Variants in BBOX1 observed in about 807,000 individuals in gnomAD.
The protein encoded by BBOX1 is gamma-butyrobetaine hydroxylase 1, also known as gamma-butyrobetaine dioxygenase.
BBOX1 carries 35 observed loss-of-function variants against 41.6 expected under a neutral mutation model. That is an observed-to-expected ratio of 0.84 (90% CI 0.64 to 1.11). BBOX1 has a LOEUF of 1.11. Ranked by LOEUF, BBOX1 falls within the 50% of genes most tolerant of loss-of-function variation. The pLI is 0.00. For missense variants in BBOX1, 458 were observed against 460.6 expected (o/e 0.99, Z 0.05); for synonymous variants, 163 against 154.7 (o/e 1.05, Z -0.40).
chr11:27,125,537 T>A, intron 7 of BBOX1, 117 bp from the exon 8 acceptor site: 1 of 849,280 alleles, frequency 1.2e-6, no homozygotes. Flanking sequence ...CTTCTGTACA[T>A]GTATTTGGAT....
At chr11:27,111,436 CT>C in intron 5 of BBOX1, among the ~76,000 whole-genome samples, 1 of 152,086 alleles carries the variant, frequency 6.6e-6, no homozygotes, top group African/African-American at 2.4e-5. Flanking sequence ...TACCCCAAAC[CT>C]CAGGATCATG....
intron 5 of BBOX1, among the ~76,000 whole-genome samples, chr11:27,106,367 T>A (rs1858863730): frequency 6.6e-6 from 1 of 151,598 alleles, no homozygotes; most frequent in Non-Finnish European, 1.5e-5. Flanking sequence ...GAGACACAAA[T>A]AGGCTCAAAA....
intron 4 of BBOX1, among the ~76,000 whole-genome samples, chr11:27,086,721 T>C (rs1369832492): frequency 2.6e-5 from 4 of 152,154 alleles, no homozygotes; most frequent in Non-Finnish European, 5.9e-5. Flanking sequence ...AGGTTATTGC[T>C]GCCACAGATA....
chr11:27,049,259 AAT>A (rs1450363000), intron 2 of BBOX1, among the ~76,000 whole-genome samples: 30 of 152,072 alleles, frequency 2.0e-4, no homozygotes, highest in African/African-American at 7.2e-4. Context: ...TCTTTTTGAC[AAT>A]AGTCATTCTA....
chr11:27,101,920 C>G (rs887734763), intron 5 of BBOX1, among the ~76,000 whole-genome samples: 1 of 152,078 alleles, frequency 6.6e-6, no homozygotes, highest in Non-Finnish European at 1.5e-5. Flanking sequence ...TGTCACCATG[C>G]TGTTCTTTAG....
chr11:27,043,803 A>G (rs1295723292), intron 2 of BBOX1, among the ~76,000 whole-genome samples: 2 of 152,154 alleles, frequency 1.3e-5, no homozygotes, highest in African/African-American at 4.8e-5. Flanking sequence ...ATAGTATTCC[A>G]TGGTGTATAT....
chr11:27,118,803 A>G (rs1564990342), intron 6 of BBOX1, among the ~76,000 whole-genome samples: 1 of 151,978 alleles, frequency 6.6e-6, no homozygotes, highest in Non-Finnish European at 1.5e-5. Context: ...CTTTTTAAAA[A>G]TTAGCACTTG....
intron 2 of BBOX1, among the ~76,000 whole-genome samples, chr11:27,041,771 T>A (rs1277320172): frequency 6.6e-6 from 1 of 152,172 alleles, no homozygotes; most frequent in Non-Finnish European, 1.5e-5. Context: ...GTCAAATTAC[T>A]TTATAATCCC....
At chr11:27,095,374 G>A (rs1858403001) in intron 5 of BBOX1, among the ~76,000 whole-genome samples, 1 of 132,682 alleles carries the variant, frequency 7.5e-6, no homozygotes, top group Non-Finnish European at 1.5e-5. Flanking sequence ...GATTTATTAC[G>A]TGTGTTGTTT....
rs117062625 is a variant in BBOX1 at position 27,109,695 on chromosome 11, C to T, written c.534-5757C>T. On this transcript the variant is annotated intron_variant, in intron 5 of 8. Coordinates refer to ENST00000263182, the MANE Select transcript of BBOX1 (RefSeq NM_003986.3). The stretch of plus-strand genomic sequence containing the variant: ...GGGTCTTTGAATTCTAGATCAGCAG[C>T]GCTGAATTCTATCCTTCTGGGACTG... 1.6e-4 allele frequency among the ~76,000 whole-genome samples: 25 copies of T among 152,122 alleles called. No homozygotes were observed. The East Asian group carries it at 3.7e-3, about 22-fold the overall frequency.
intron 4 of BBOX1, among the ~76,000 whole-genome samples, chr11:27,062,733 T>G (rs1204904138): frequency 6.6e-6 from 1 of 152,062 alleles, no homozygotes; most frequent in Non-Finnish European, 1.5e-5. Flanking sequence ...CAGCTAATTT[T>G]TGTATTTTTA....
At chr11:27,096,711 CA>C (rs927435972) in intron 5 of BBOX1, among the ~76,000 whole-genome samples, 2 of 151,442 alleles carry the variant, frequency 1.3e-5, no homozygotes, top group African/African-American at 4.8e-5. Context: ...GTTGGATGAA[CA>C]AAAAAACAGT....
At chr11:27,083,588 G>A (rs1395082947) in intron 4 of BBOX1, among the ~76,000 whole-genome samples, 2 of 152,000 alleles carry the variant, frequency 1.3e-5, no homozygotes, top group Non-Finnish European at 2.9e-5. Flanking sequence ...TTAGCTTGGT[G>A]TTTCTTAATC....
intron 4 of BBOX1, among the ~76,000 whole-genome samples, chr11:27,089,814 T>C (rs1858171940): frequency 6.6e-6 from 1 of 152,052 alleles, no homozygotes; most frequent in Non-Finnish European, 1.5e-5. Context: ...ATTCATGCCC[T>C]TAACACTGAT....
intron 4 of BBOX1, among the ~76,000 whole-genome samples, chr11:27,081,745 AT>A (rs1269107253): frequency 6.6e-6 from 1 of 152,178 alleles, no homozygotes; most frequent in Non-Finnish European, 1.5e-5. Context: ...AATGATCGCC[AT>A]TCTAACTGGC....
chr11:27,106,895 A>T (rs1044794909), intron 5 of BBOX1, among the ~76,000 whole-genome samples: 20 of 152,180 alleles, frequency 1.3e-4, no homozygotes, highest in African/African-American at 4.8e-4. Context: ...TGTCTCTCAG[A>T]CCACAGTACA....
chr11:27,110,636 T>C (rs1391313825), intron 5 of BBOX1, among the ~76,000 whole-genome samples: 1 of 152,012 alleles, frequency 6.6e-6, no homozygotes, highest in Non-Finnish European at 1.5e-5. Context: ...CACCTATTCA[T>C]AGAGCACTTC....
chr11:27,125,561 G>A, intron 7 of BBOX1, 93 bp from the exon 8 acceptor site: 1 of 1,115,310 alleles, frequency 9.0e-7, no homozygotes, highest in South Asian at 2.2e-5. Flanking sequence ...TTAATATGGT[G>A]TTTCAAAAAT....
intron 4 of BBOX1, among the ~76,000 whole-genome samples, 156 bp from the exon 5 acceptor site, chr11:27,093,012 G>A (rs1564975656): frequency 1.3e-5 from 2 of 151,932 alleles, no homozygotes; most frequent in Admixed American, 1.3e-4. Context: ...AGGAAGAAAG[G>A]CCTAGTGACT....
Sources: allele counts gnomAD v4.1 joint callset (sites outside exome capture counted in the v4.1 genomes callset), GRCh38; gene constraint gnomAD v4.1.1; transcripts MANE v1.5; gene names NCBI Gene and HGNC (gene_info 2026-07-23, HGNC 2026-07-21).